Variants in CHRNG observed in about 807,000 individuals in gnomAD.
CHRNG encodes the protein cholinergic receptor nicotinic gamma subunit, also known as acetylcholine receptor subunit gamma.
CHRNG carries 72 observed loss-of-function variants against 65.2 expected under a neutral mutation model. That is an observed-to-expected ratio of 1.10 (90% CI 0.91 to 1.34). The LOEUF (loss-of-function observed/expected upper bound fraction) is 1.34. Ranked by LOEUF, CHRNG falls within the 40% of genes most tolerant of loss-of-function variation. The pLI, the probability that CHRNG is intolerant of heterozygous loss-of-function variation, is 0.00. For synonymous variants in CHRNG, 284 were observed against 290.2 expected, an observed-to-expected ratio of 0.98 and a Z score of 0.22; for missense variants, 637 against 680.1, an observed-to-expected ratio of 0.94 and a Z score of 0.70.
Position 232,541,664 on chromosome 2 carries a change from C to A in CHRNG, c.506+135C>A. 1.8e-6 allele frequency: 2 copies of A among 1,100,352 alleles called. No individual in the cohort carries two copies. Among genetic ancestry groups the A allele is most frequent in the Non-Finnish European group, 2.7e-6 (2 of 733,866 alleles). The allele number at this position is 1,100,352 out of a possible 1,614,324, so 68.2% of individuals were successfully genotyped here. On this transcript the variant is annotated intron_variant, in intron 5 of 11. Transcript: ENST00000651502. This position sits in a 1 kb window ranked among gnomAD's most constrained non-coding sequence, Gnocchi z 4.0. ...AGGCCTGGCTCCATCTCCCCTGGGC[C>A]TCTGTGCCCATCTCAGGCTAAGACA...
rs1217689152 is a variant in CHRNG at position 232,540,983 on chromosome 2, G to T, written c.350+272G>T. ...GCTGCTCCCTTCCCTGTAACATGGG[G>T]CCGCTGACGGGTCCTATAGAAGCTG... On this transcript the variant is annotated intron_variant, in intron 4 of 11. Coordinates refer to ENST00000651502, the MANE Select transcript of CHRNG (RefSeq NM_005199.5). The surrounding 1 kb of genome is among the most constrained non-coding windows in gnomAD (Gnocchi z 4.2). Among the ~76,000 whole-genome samples, 1 of 152,076 alleles carries T rather than the reference G, an allele frequency of 6.6e-6. No homozygotes were observed. Among genetic ancestry groups the T allele is most frequent in the Non-Finnish European group, 1.5e-5 (1 of 68,004 alleles).
chr2:232,541,233 GGAACCAGTCAGGGGGT>G lies in CHRNG; in HGVS notation c.351-138_351-123del. On this transcript the variant is annotated intron_variant, in intron 4 of 11. Coordinates refer to ENST00000651502, the MANE Select transcript of CHRNG (RefSeq NM_005199.5). The surrounding 1 kb of genome is among the most constrained non-coding windows in gnomAD (Gnocchi z 4.0). Reference sequence around the variant, plus strand: ...CTGGGGGGACCTAGTGGTCCGGGTGGGAACCAGTCAGGGGGTGACAGGCTGGTAGGGACTGGTGTCC... The same window carrying G: ...CTGGGGGGACCTAGTGGTCCGGGTGGGACAGGCTGGTAGGGACTGGTGTCC... 1 of 1,040,084 alleles carries G rather than the reference GGAACCAGTCAGGGGGT, an allele frequency of 9.6e-7. No individual in the cohort carries two copies. The highest frequency in any genetic ancestry group is 2.4e-5 in the East Asian group (1 of 40,972). The allele number at this position is 1,040,084 out of a possible 1,614,324, so 64.4% of individuals were successfully genotyped here.
At position 232,541,776 on chromosome 2, in the gene CHRNG, G is replaced by A; in HGVS notation, c.506+247G>A. The A allele has an allele frequency of 1.7e-6, 1 of 585,642 alleles. No homozygotes were observed. The highest frequency in any genetic ancestry group is 2.9e-5 in the East Asian group (1 of 34,754). 36.3% of individuals were successfully genotyped at this position (585,642 alleles called of 1,614,324 possible). A position where few individuals can be genotyped will look rare whatever the true frequency, so the allele number is the denominator to read the frequency against. On this transcript the variant is annotated intron_variant, in intron 5 of 11. Coordinates refer to ENST00000651502, the MANE Select transcript of CHRNG (RefSeq NM_005199.5). This position sits in a 1 kb window ranked among gnomAD's most constrained non-coding sequence, Gnocchi z 4.0. The stretch of plus-strand genomic sequence containing the variant: ...CAGTTTCCTCACCTGTGCTCCAAGG[G>A]GAGACATTCACGCCTGGGGTGCGTG...
intron 9 of CHRNG, 78 bp downstream of exon 9, chr2:232,543,777 T>A: frequency 1.1e-6 from 1 of 869,862 alleles, no homozygotes; most frequent in Non-Finnish European, 1.9e-6. Context: ...CCGGCAGTAC[T>A]CACCTGTGGC....
rs769617058 is a variant in CHRNG, at chr2:232,542,878, G to C, written c.605-4G>C. 2 of 1,612,034 alleles carry C rather than the reference G, an allele frequency of 1.2e-6. No homozygotes were observed. Among genetic ancestry groups the C allele is most frequent in the East Asian group, 4.5e-5 (2 of 44,870 alleles). Reference sequence around the variant, plus strand: ...CCCACTCCTGCCTGCCTGCCTGCCCGCAGAGAATGGGGAGTGGGCCATCCA... The same window carrying C: ...CCCACTCCTGCCTGCCTGCCTGCCCCCAGAGAATGGGGAGTGGGCCATCCA... On this transcript the variant is annotated splice_region_variant and splice_polypyrimidine_tract_variant and intron_variant, in intron 6 of 11. Coordinates refer to ENST00000651502, the MANE Select transcript of CHRNG (RefSeq NM_005199.5).
chr2:232,542,504 C>T lies in CHRNG; in HGVS notation c.588C>T (p.Asp196=). Residue 196 remains aspartate (D), a synonymous_variant, in exon 6 of 12, where the codon GAC becomes GAT. Coordinates refer to ENST00000651502, the MANE Select transcript of CHRNG (RefSeq NM_005199.5). ...DGQTIEWIFI[D]PEAFTENGEW... ...AGACCATCGAGTGGATTTTCATTGA[C>T]CCTGAGGCCTTCACAGGTAACCCCC... is the stretch of plus-strand genomic sequence containing the variant. The T allele has an allele frequency of 6.2e-7, 1 of 1,612,804 alleles. No individual in the cohort carries two copies. The highest frequency in any genetic ancestry group is 1.1e-5 in the South Asian group (1 of 90,968).
Position 232,542,858 on chromosome 2 carries a change from T to TCCTG in CHRNG, c.605-9_605-6dup, listed in dbSNP as rs752319888. ...CCTAGCTCACGCTTCTTGTGCCCAC[T>TCCTG]CCTGCCTGCCTGCCTGCCCGCAGAG... On this transcript the variant is annotated intron_variant, in intron 6 of 11. Transcript: ENST00000651502. The TCCTG allele has an allele frequency of 1.1e-4, 180 of 1,601,876 alleles. No individual in the cohort carries two copies. The Middle Eastern group carries it at 1.5e-3, about 13-fold the overall frequency.
intron 5 of CHRNG, chr2:232,542,002 CG>C: frequency 3.2e-6 from 1 of 311,364 alleles, no homozygotes; most frequent in Non-Finnish European, 6.1e-6. Flanking sequence ...GAGGAGGGCC[CG>C]GGGGAGGGTT....
chr2:232,545,130 CTACCAAAAA>C lies in CHRNG; in HGVS notation c.1380+248_1380+256del, dbSNP rs374914759. Among the ~76,000 whole-genome samples, 135 of 152,146 alleles carry C rather than the reference CTACCAAAAA, an allele frequency of 8.9e-4. 1 individual carries two copies. The highest frequency in any genetic ancestry group is 3.4e-3 in the Admixed American group (52 of 15,282). ...TGGCCAACATGGCAAAACCCTATCT[CTACCAAAAA>C]TACCAAAAATACCAAAAATTAGCTG... is the stretch of plus-strand genomic sequence containing the variant. On this transcript the variant is annotated intron_variant, in intron 11 of 11. Coordinates refer to ENST00000651502, the MANE Select transcript of CHRNG (RefSeq NM_005199.5).
At position 232,541,280 on chromosome 2, in the gene CHRNG, C is replaced by A. The variant is rs550819398; in HGVS notation, c.351-94C>A. On this transcript the variant is annotated intron_variant, in intron 4 of 11. Transcript: ENST00000651502. This position sits in a 1 kb window ranked among gnomAD's most constrained non-coding sequence, Gnocchi z 4.0. ...GCTGGTAGGGACTGGTGTCCCCAGG[C>A]CCCTATCCACATGGGGCACAGGGGC... 243 of 1,499,152 alleles carry A rather than the reference C, an allele frequency of 1.6e-4. No individual in the cohort carries two copies. The highest frequency in any genetic ancestry group is 2.0e-4 in the Non-Finnish European group (221 of 1,081,534). The allele number at this position is 1,499,152 out of a possible 1,614,324, so 92.9% of individuals were successfully genotyped here. A position where few individuals can be genotyped will look rare whatever the true frequency, so the allele number is the denominator to read the frequency against.
rs1044726391 is a variant in CHRNG, at chr2:232,546,007, C to G, written c.*291C>G. Reference sequence around the variant, plus strand: ...ACTCAGTGCACTCCCCTCACTTAGGCAAAGCATTATTCATTCCCATCAGTC... The same window carrying G: ...ACTCAGTGCACTCCCCTCACTTAGGGAAAGCATTATTCATTCCCATCAGTC... On this transcript the variant is annotated 3_prime_UTR_variant, in exon 12 of 12. Coordinates refer to ENST00000651502, the MANE Select transcript of CHRNG (RefSeq NM_005199.5). The G allele has an allele frequency of 1.9e-6, 1 of 536,364 alleles. No individual in the cohort carries two copies. The highest frequency in any genetic ancestry group is 3.4e-6 in the Non-Finnish European group (1 of 294,804). The allele number at this position is 536,364 out of a possible 1,614,324, so 33.2% of individuals were successfully genotyped here.
intron 5 of CHRNG, 143 bp from the exon 6 acceptor site, chr2:232,542,280 T>C: frequency 1.5e-6 from 1 of 680,496 alleles, no homozygotes; most frequent in Admixed American, 2.1e-5. Context: ...ATCTCGCCAG[T>C]GGGGTTTTAT....
chr2:232,541,443 G>GCTGC lies in CHRNG; in HGVS notation c.422_425dup (p.Pro143AlafsTer36). The GCTGC allele has an allele frequency of 6.2e-7, 1 of 1,614,112 alleles. No individual in the cohort carries two copies. The highest frequency in any genetic ancestry group is 8.5e-7 in the Non-Finnish European group (1 of 1,179,990). On this transcript the variant is annotated frameshift_variant, in exon 5 of 12. Transcript: ENST00000651502. LOFTEE classifies it high-confidence loss of function. The surrounding 1 kb of genome is among the most constrained non-coding windows in gnomAD (Gnocchi z 4.0). ...TGTCCCCTGACGGCTGTATCTACTG[G>GCTGC]CTGCCGCCTGCCATCTTCCGTTCCG...
rs182946513 is a variant in CHRNG at position 232,546,098 on chromosome 2, C to G, written c.*382C>G. 1 of 351,022 alleles carries G rather than the reference C, an allele frequency of 2.8e-6. No individual in the cohort carries two copies. Among genetic ancestry groups the G allele is most frequent in the African/African-American group, 2.1e-5 (1 of 47,174 alleles). 21.7% of individuals were successfully genotyped at this position (351,022 alleles called of 1,614,324 possible). A position where few individuals can be genotyped will look rare whatever the true frequency, so the allele number is the denominator to read the frequency against. On this transcript the variant is annotated 3_prime_UTR_variant, in exon 12 of 12. Transcript: ENST00000651502. The stretch of plus-strand genomic sequence containing the variant: ...GGGACTGGCTCCCCTTTTACAAGTT[C>G]TCCCTGAAAGAGGGCAGTCACAAGA...
intron 7 of CHRNG, 25 bp from the exon 8 acceptor site, chr2:232,543,250 C>T: frequency 6.2e-7 from 1 of 1,602,926 alleles, no homozygotes; most frequent in Non-Finnish European, 8.5e-7. Context: ...GGAACCTGCT[C>T]TGAGAGCCTC....
Position 232,540,027 on chromosome 2 carries a change from G to A in CHRNG, c.91G>A (p.Ala31Thr), listed in dbSNP as rs748681430. The A allele has an allele frequency of 1.2e-5, 20 of 1,614,076 alleles. No homozygotes were observed. Among genetic ancestry groups the A allele is most frequent in the East Asian group, 8.9e-5 (4 of 44,892 alleles). Residue 31 changes from alanine (A) to threonine (T), a missense_variant, in exon 2 of 12, where the codon GCA becomes ACA. Physicochemically the swap from Ala to Thr is moderately conservative, Grantham distance 58 (BLOSUM62 0). Coordinates refer to ENST00000651502, the MANE Select transcript of CHRNG (RefSeq NM_005199.5). This position sits in a 1 kb window ranked among gnomAD's most constrained non-coding sequence, Gnocchi z 4.2. The part of the protein sequence containing the change: ...QGRNQEERLL[A>T]DLMQNYDPNL... ...CCGGAACCAGGAGGAGCGCCTGCTC[G>A]CAGACCTGATGCAAAACTACGACCC...
At chr2:232,544,713 T>C in intron 10 of CHRNG, 59 bp from the exon 11 acceptor site, 4 of 1,605,814 alleles carry the variant, frequency 2.5e-6, no homozygotes, top group South Asian at 1.1e-5. Flanking sequence ...GGAGAGGCCA[T>C]CTTCTCTGCC....
rs1285364056 is a variant in CHRNG at position 232,540,964 on chromosome 2, C to T, written c.350+253C>T. ...GGCTGGGCCACCTGGGTGGGCTGCT[C>T]CCTTCCCTGTAACATGGGGCCGCTG... is the stretch of plus-strand genomic sequence containing the variant. On this transcript the variant is annotated intron_variant, in intron 4 of 11. Coordinates refer to ENST00000651502, the MANE Select transcript of CHRNG (RefSeq NM_005199.5). The surrounding 1 kb of genome is among the most constrained non-coding windows in gnomAD (Gnocchi z 4.2). Among the ~76,000 whole-genome samples the T allele has an allele frequency of 6.6e-6, 1 of 152,058 alleles. No individual in the cohort carries two copies. Among genetic ancestry groups the T allele is most frequent in the East Asian group, 1.9e-4 (1 of 5,172 alleles).
At position 232,542,482 on chromosome 2, in the gene CHRNG, C is replaced by T; in HGVS notation, c.566C>T (p.Thr189Ile). 6.2e-7 allele frequency: 1 copy of T among 1,613,864 alleles called. No individual in the cohort carries two copies. Among genetic ancestry groups the T allele is most frequent in the Non-Finnish European group, 8.5e-7 (1 of 1,179,838 alleles). ...CAGCTGAGTCAGGAAGATGGCCAGA[C>T]CATCGAGTGGATTTTCATTGACCCT... ...DLQLSQEDGQ[T>I]IEWIFIDPEA... is the part of the protein sequence containing the mutation. The change falls in exon 6 of 12, where the codon ACC (threonine) becomes ATC (isoleucine). Residue 189 changes from threonine (T) to isoleucine (I), a missense_variant. By Grantham distance (89) the Thr-to-Ile change is moderately conservative (BLOSUM62 -1). Transcript: ENST00000651502.
Sources: allele counts gnomAD v4.1 joint callset (sites outside exome capture counted in the v4.1 genomes callset), GRCh38; gene constraint gnomAD v4.1.1; non-coding constraint Gnocchi (gnomAD v3.1); transcripts MANE v1.5; gene names NCBI Gene and HGNC (gene_info 2026-07-23, HGNC 2026-07-21).